NUDT3: variants seen among roughly 807,000 people sequenced by gnomAD.
NUDT3 encodes nudix hydrolase 3.
A neutral mutation model predicts 23.6 loss-of-function variants in NUDT3; 9 were observed. The ratio of observed to expected loss-of-function variants is 0.38; its 90% confidence interval spans 0.23 to 0.66. The LOEUF (loss-of-function observed/expected upper bound fraction) is 0.66, where lower values mean the gene tolerates loss of function less well. Among genes scored for constraint, NUDT3 ranks in the 30% least tolerant of loss-of-function variants. NUDT3 has a pLI of 0.52. For missense variants in NUDT3, 172 were observed against 218.5 expected (o/e 0.79, Z 1.34); for synonymous variants, 86 against 82.6 (o/e 1.04, Z -0.22).
chr6:34,320,749 T>A (rs532353810), intron 2 of NUDT3, among the ~76,000 whole-genome samples: 1 of 152,122 alleles, frequency 6.6e-6, no homozygotes, highest in Admixed American at 6.5e-5. Context: ...GGTGGGAGGA[T>A]CACCTGAGCT....
intron 1 of NUDT3, among the ~76,000 whole-genome samples, chr6:34,388,143 T>C (rs895284916): frequency 2.6e-5 from 4 of 152,198 alleles, no homozygotes; most frequent in African/African-American, 4.8e-5. Flanking sequence ...TTAGGAGCAA[T>C]AGGCTATACC....
intron 2 of NUDT3, among the ~76,000 whole-genome samples, chr6:34,325,079 G>A (rs953286868): frequency 6.6e-6 from 1 of 152,178 alleles, no homozygotes; most frequent in Non-Finnish European, 1.5e-5. Context: ...GCCAGAAACA[G>A]GAGATTCAAT....
intron 2 of NUDT3, among the ~76,000 whole-genome samples, chr6:34,320,834 A>T (rs1265461093): frequency 6.6e-6 from 1 of 152,094 alleles, no homozygotes; most frequent in African/African-American, 2.4e-5. Flanking sequence ...CCCTGTCTCA[A>T]AATAAATAAA....
At chr6:34,294,766 T>C (rs1763474429) in intron 3 of NUDT3, among the ~76,000 whole-genome samples, 1 of 151,940 alleles carries the variant, frequency 6.6e-6, no homozygotes, top group African/African-American at 2.4e-5. Flanking sequence ...TATTTTTTCA[T>C]CAGAGACCTT....
chr6:34,323,396 A>C (rs925738603), intron 2 of NUDT3, among the ~76,000 whole-genome samples: 1 of 152,064 alleles, frequency 6.6e-6, no homozygotes, highest in Non-Finnish European at 1.5e-5. Flanking sequence ...GTGAAACTCC[A>C]TCTCTACAAA....
rs1241159155 is a variant in NUDT3 at position 34,286,570 on chromosome 6, A to T, written c.*2183T>A. On this transcript the variant is annotated 3_prime_UTR_variant, in exon 5 of 5. Coordinates refer to ENST00000607016, the MANE Select transcript of NUDT3 (RefSeq NM_006703.4). ...AATGCTCTAGGTCAGGAAAAGAAAC[A>T]GTGTGTTCGTTTTTAAGAAGGATGT... 1 of 152,114 alleles carries T rather than the reference A, an allele frequency of 6.6e-6. No homozygotes were observed. Among genetic ancestry groups the T allele is most frequent in the Non-Finnish European group, 1.5e-5 (1 of 68,020 alleles). 9.4% of individuals were successfully genotyped at this position (152,114 alleles called of 1,614,324 possible). A position where few individuals can be genotyped will look rare whatever the true frequency, so the allele number is the denominator to read the frequency against.
chr6:34,381,478 A>G (rs185187961), intron 1 of NUDT3, among the ~76,000 whole-genome samples: 6 of 152,320 alleles, frequency 3.9e-5, no homozygotes, highest in Admixed American at 3.9e-4. Flanking sequence ...ACACCCTGGC[A>G]GAAGGATGAT....
chr6:34,314,983 C>A (rs1463840123), intron 2 of NUDT3, among the ~76,000 whole-genome samples: 1 of 152,178 alleles, frequency 6.6e-6, no homozygotes, highest in Admixed American at 6.5e-5. Context: ...AGCATATACA[C>A]GTATCAACCT....
chr6:34,331,075 G>A (rs927857368), intron 2 of NUDT3, among the ~76,000 whole-genome samples: 5 of 152,022 alleles, frequency 3.3e-5, no homozygotes, highest in African/African-American at 4.8e-5. Context: ...GGCTAGTCTC[G>A]AACTCCTGAC....
rs182833174 is a variant in NUDT3, at chr6:34,314,058, T to C, written c.211-18373A>G. ...GATGTGGTGAGCCAAGATTGCACCA[T>C]TGCACTCCAGCCTGGGCAATAAGGG... On this transcript the variant is annotated intron_variant, in intron 2 of 4. Coordinates refer to ENST00000607016, the MANE Select transcript of NUDT3 (RefSeq NM_006703.4). Among the ~76,000 whole-genome samples the C allele has an allele frequency of 4.3e-3, 656 of 150,920 alleles. 4 individuals carry two copies. Among genetic ancestry groups the C allele is most frequent in the Middle Eastern group, 0.021 (6 of 290 alleles).
intron 2 of NUDT3, among the ~76,000 whole-genome samples, chr6:34,323,263 G>A (rs747707433): frequency 1.3e-5 from 2 of 150,986 alleles, no homozygotes; most frequent in Non-Finnish European, 3.0e-5. Flanking sequence ...AGAGAGGGAG[G>A]AAGGGTGGGC....
At chr6:34,369,155 G>A (rs938421824) in intron 1 of NUDT3, among the ~76,000 whole-genome samples, 1 of 152,154 alleles carries the variant, frequency 6.6e-6, no homozygotes, top group Non-Finnish European at 1.5e-5. Context: ...ATACAATTCT[G>A]CAAATTTCTT....
rs190007875 is a variant in NUDT3, at chr6:34,280,718, C to T, written c.*8035G>A. The T allele has an allele frequency of 6.6e-6, 1 of 152,354 alleles. No homozygotes were observed. 9.4% of individuals were successfully genotyped at this position (152,354 alleles called of 1,614,324 possible). A position where few individuals can be genotyped will look rare whatever the true frequency, so the allele number is the denominator to read the frequency against. On this transcript the variant is annotated 3_prime_UTR_variant, in exon 5 of 5. Transcript: ENST00000607016. ...GGTGACCTAATGATGAGAAGGCTAA[C>T]TTATTTGCTTTCCTGGGTGGTCCTG...
At chr6:34,302,948 A>G (rs892231659) in intron 2 of NUDT3, among the ~76,000 whole-genome samples, 17 of 152,224 alleles carry the variant, frequency 1.1e-4, no homozygotes, top group Admixed American at 6.5e-4. Context: ...GCATATGCAT[A>G]TGATTTTAAC....
At chr6:34,349,661 AC>A (rs1006728147) in intron 1 of NUDT3, among the ~76,000 whole-genome samples, 1 of 150,310 alleles carries the variant, frequency 6.7e-6, no homozygotes, top group Non-Finnish European at 1.5e-5. Flanking sequence ...AGAGGATCTG[AC>A]CCCTTTCTCC....
rs2113742832 is a variant in NUDT3 at position 34,351,120 on chromosome 6, TG to T, written c.100-9149del. On this transcript the variant is annotated intron_variant, in intron 1 of 4. Transcript: ENST00000607016. ...ATCCCAGCACTCTGGGAGGCTGAGGTGGGGGTATCACTTGAGCCTAGGAGTT... is the reference window on the plus strand; with the variant it reads ...ATCCCAGCACTCTGGGAGGCTGAGGTGGGGTATCACTTGAGCCTAGGAGTT... Among the ~76,000 whole-genome samples the T allele has an allele frequency of 1.7e-5, 2 of 115,944 alleles. 1 individual carries two copies. Among genetic ancestry groups the T allele is most frequent in the African/African-American group, 7.0e-5 (2 of 28,706 alleles). 76.1% of individuals were successfully genotyped at this position (115,944 alleles called of 152,430 possible). A position where few individuals can be genotyped will look rare whatever the true frequency, so the allele number is the denominator to read the frequency against.
intron 2 of NUDT3, among the ~76,000 whole-genome samples, chr6:34,299,840 C>G (rs1267289097): frequency 6.6e-6 from 1 of 151,238 alleles, no homozygotes; most frequent in African/African-American, 2.4e-5. Context: ...GAGGCAGACA[C>G]TGCAGTGAGC....
At chr6:34,320,131 G>A (rs1184473093) in intron 2 of NUDT3, among the ~76,000 whole-genome samples, 1 of 151,670 alleles carries the variant, frequency 6.6e-6, no homozygotes, top group Non-Finnish European at 1.5e-5. Context: ...TCAAGAAGGA[G>A]GGCTGTTAAT....
chr6:34,365,968 G>C (rs1252359479), intron 1 of NUDT3, among the ~76,000 whole-genome samples: 1 of 152,204 alleles, frequency 6.6e-6, no homozygotes. Flanking sequence ...TTGAGCCCCG[G>C]AGGCAGAGGT....
Sources: allele counts gnomAD v4.1 joint callset (sites outside exome capture counted in the v4.1 genomes callset), GRCh38; gene constraint gnomAD v4.1.1; transcripts MANE v1.5; gene names NCBI Gene and HGNC (gene_info 2026-07-23, HGNC 2026-07-21).